Variants in UACA observed in about 807,000 individuals in gnomAD.
UACA encodes nuclear membrane binding protein.
In UACA, 112 loss-of-function variants were observed where a neutral mutation model predicts 160.5. The observed-to-expected ratio is 0.70, with a 90% CI of 0.60 to 0.82. The LOEUF (loss-of-function observed/expected upper bound fraction) is 0.82, where lower values mean the gene tolerates loss of function less well. Among genes scored for constraint, UACA ranks in the 40% least tolerant of loss-of-function variants. The probability of loss-of-function intolerance (pLI) is 0.00; values close to 1 mark genes in which losing one functional copy is unlikely to be tolerated. For synonymous variants in UACA, 557 were observed against 568.4 expected (o/e 0.98, Z 0.29); for missense variants, 1,574 against 1,614.6 (o/e 0.97, Z 0.43).
intron 18 of UACA, among the ~76,000 whole-genome samples, chr15:70,659,405 T>TTTG (rs1896613443): frequency 8.1e-6 from 1 of 122,840 alleles, no homozygotes; most frequent in African/African-American, 3.2e-5. Flanking sequence ...GTTTTTTTTT[T>TTTG]TTTTTTTTTT....
At chr15:70,762,215 A>C (rs999683534) in intron 1 of UACA, among the ~76,000 whole-genome samples, 1 of 143,696 alleles carries the variant, frequency 7.0e-6, no homozygotes, top group African/African-American at 2.6e-5. Flanking sequence ...ATGTCCAAGT[A>C]AAATAATCCT....
rs1595902771 is a variant in UACA at position 70,708,512 on chromosome 15, C to T, written c.79-8852G>A. On this transcript the variant is annotated intron_variant, in intron 1 of 18. Coordinates refer to ENST00000322954, the MANE Select transcript of UACA (RefSeq NM_018003.4). ...AGTTTGTTCTGTCACCCAGGCTGGACTGCAATGGCACAATATCAGCTCACT... is the reference window on the plus strand; with the variant it reads ...AGTTTGTTCTGTCACCCAGGCTGGATTGCAATGGCACAATATCAGCTCACT... Among the ~76,000 whole-genome samples, 5 of 150,336 alleles carry T rather than the reference C, an allele frequency of 3.3e-5. No individual in the cohort carries two copies. In the South Asian group the frequency reaches 6.3e-4, roughly 19 times the overall value.
chr15:70,701,285 C>T (rs1000196222), intron 1 of UACA, among the ~76,000 whole-genome samples: 3 of 152,136 alleles, frequency 2.0e-5, no homozygotes, highest in African/African-American at 4.8e-5. Context: ...CTACATTTTA[C>T]GCATCACCTT....
chr15:70,716,734 G>A (rs1034367568), intron 1 of UACA, among the ~76,000 whole-genome samples: 2 of 152,032 alleles, frequency 1.3e-5, no homozygotes, highest in African/African-American at 4.8e-5. Context: ...ATATTATGCT[G>A]ATAAAATTTT....
chr15:70,669,104 A>T lies in UACA; in HGVS notation c.1580T>A (p.Leu527Ter). 6.2e-7 allele frequency: 1 copy of T among 1,614,090 alleles called. No individual in the cohort carries two copies. The highest frequency in any genetic ancestry group is 8.5e-7 in the Non-Finnish European group (1 of 1,180,000). Residue 527 changes from leucine to a stop codon, truncating the protein, a stop_gained, in exon 16 of 19, where the codon TTA (leucine) becomes TAA (stop). Coordinates refer to ENST00000322954, the MANE Select transcript of UACA (RefSeq NM_018003.4). LOFTEE classifies it high-confidence loss of function. ...ATTCCCTGAGGCTGCTTCACTTGTT[A>T]AGTGTTCTTTAAGGGCAAGAAAATG... ...QTHFLALKEHLTSEAASGNHR... is the reference protein window; with the variant it reads ...QTHFLALKEH
At chr15:70,683,450 C>T (rs1200998798) in intron 8 of UACA, among the ~76,000 whole-genome samples, 1 of 151,916 alleles carries the variant, frequency 6.6e-6, no homozygotes, top group Non-Finnish European at 1.5e-5. Flanking sequence ...ATGTGCATGC[C>T]CTGAAACTCA....
intron 1 of UACA, among the ~76,000 whole-genome samples, chr15:70,700,318 TACACACAC>T (rs34361847): frequency 1.1e-4 from 16 of 139,760 alleles, no homozygotes; most frequent in African/African-American, 3.5e-4. Context: ...TATATATATA[TACACACAC>T]ACACACACAC....
intron 10 of UACA, 103 bp downstream of exon 10, chr15:70,679,505 C>T (rs946088268): frequency 3.1e-6 from 2 of 651,074 alleles, no homozygotes; most frequent in African/African-American, 1.9e-5. Flanking sequence ...TTCTTTGCCC[C>T]ACTCATTTCA....
chr15:70,761,692 C>A (rs1029741370), intron 1 of UACA, among the ~76,000 whole-genome samples: 5 of 152,040 alleles, frequency 3.3e-5, no homozygotes, highest in African/African-American at 7.2e-5. Flanking sequence ...AGGTTAATAT[C>A]ATGTTTATCT....
chr15:70,753,609 C>T (rs1031581935), intron 1 of UACA, among the ~76,000 whole-genome samples: 9 of 152,152 alleles, frequency 5.9e-5, no homozygotes, highest in Non-Finnish European at 1.0e-4. Flanking sequence ...GGCAATAGTA[C>T]CTACTTCTTA....
chr15:70,740,014 TAGTA>T (rs1899479613), intron 1 of UACA, among the ~76,000 whole-genome samples: 2 of 152,218 alleles, frequency 1.3e-5, no homozygotes, highest in African/African-American at 4.8e-5. Flanking sequence ...ATTAATTTTT[TAGTA>T]AGTACAACAA....
rs565830489 is a variant in UACA, at chr15:70,713,435, T to C, written c.79-13775A>G. Among the ~76,000 whole-genome samples, 14 of 152,290 alleles carry C rather than the reference T, an allele frequency of 9.2e-5. No homozygotes were observed. The East Asian group carries it at 2.7e-3, about 29-fold the overall frequency. ...TGTAAGAATGTGATCTTGACGGTGATAGCCGAGTGACAAGGAATTTACATC... is the reference window on the plus strand; with the variant it reads ...TGTAAGAATGTGATCTTGACGGTGACAGCCGAGTGACAAGGAATTTACATC... On this transcript the variant is annotated intron_variant, in intron 1 of 18. Transcript: ENST00000322954.
chr15:70,673,873 TG>T (rs1897221470), intron 13 of UACA, among the ~76,000 whole-genome samples: 1 of 152,194 alleles, frequency 6.6e-6, no homozygotes, highest in South Asian at 2.1e-4. Flanking sequence ...GTTGGTTGGT[TG>T]GTTTTGAGAC....
chr15:70,694,648 T>C (rs1376711962), intron 3 of UACA, among the ~76,000 whole-genome samples: 1 of 152,148 alleles, frequency 6.6e-6, no homozygotes, highest in Non-Finnish European at 1.5e-5. Flanking sequence ...TTGTTATTAT[T>C]GTTGTCCTTG....
At chr15:70,729,018 T>C (rs1329801129) in intron 1 of UACA, among the ~76,000 whole-genome samples, 3 of 152,182 alleles carry the variant, frequency 2.0e-5, no homozygotes, top group Admixed American at 6.5e-5. Context: ...ATGGCTATTA[T>C]TATAAAGTTA....
Position 70,688,259 on chromosome 15 carries a change from A to G in UACA, c.425-439T>C, listed in dbSNP as rs1450630592. On this transcript the variant is annotated intron_variant, in intron 5 of 18. Transcript: ENST00000322954. ...TCATACAATTCATATTTCTCATAAA[A>G]GCAGAGATTGCAATGTCTACCTTTA... Among the ~76,000 whole-genome samples the G allele has an allele frequency of 3.3e-5, 5 of 152,212 alleles. No homozygotes were observed. The South Asian group carries it at 8.3e-4, about 25-fold the overall frequency.
intron 2 of UACA, among the ~76,000 whole-genome samples, chr15:70,698,156 C>T (rs1443596287): frequency 6.6e-6 from 1 of 152,190 alleles, no homozygotes; most frequent in South Asian, 2.1e-4. Context: ...CATCAAATTA[C>T]ACCACTATAA....
intron 1 of UACA, among the ~76,000 whole-genome samples, chr15:70,720,050 G>A (rs1331526949): frequency 6.6e-6 from 1 of 152,112 alleles, no homozygotes; most frequent in Non-Finnish European, 1.5e-5. Context: ...CTGGATCATG[G>A]AGGCAGATTT....
chr15:70,758,876 A>G (rs2030579090), intron 1 of UACA: 1 of 152,084 alleles, frequency 6.6e-6, no homozygotes, highest in Non-Finnish European at 1.5e-5. Flanking sequence ...CAATCAAAGT[A>G]CTCTGCTACG....
Sources: allele counts gnomAD v4.1 joint callset (sites outside exome capture counted in the v4.1 genomes callset), GRCh38; gene constraint gnomAD v4.1.1; transcripts MANE v1.5; gene names NCBI Gene and HGNC (gene_info 2026-07-23, HGNC 2026-07-21).